ZFPM2: variants seen among roughly 807,000 people sequenced by gnomAD.
ZFPM2 encodes zinc finger protein ZFPM2.
In ZFPM2, 20 loss-of-function variants were observed where a neutral mutation model predicts 98.6. The ratio of observed to expected loss-of-function variants is 0.20; its 90% CI spans 0.14 to 0.29. ZFPM2 has a LOEUF of 0.29. Ranked by LOEUF, ZFPM2 falls within the 10% of genes least tolerant of loss-of-function variation. The pLI, the probability that ZFPM2 is intolerant of heterozygous loss-of-function variation, is 1.00. For missense variants in ZFPM2, 1,310 were observed against 1,388.6 expected, an observed-to-expected ratio of 0.94 and a Z score of 0.90; for synonymous variants, 518 against 502.7, an observed-to-expected ratio of 1.03 and a Z score of -0.41.
At chr8:105,465,931 A>C (rs1453600722) in intron 3 of ZFPM2, among the ~76,000 whole-genome samples, 1 of 152,038 alleles carries the variant, frequency 6.6e-6, no homozygotes, top group Non-Finnish European at 1.5e-5. Flanking sequence ...TTTTTGTATT[A>C]GAATGAATTT....
At chr8:105,551,167 G>A (rs1814843203) in intron 3 of ZFPM2, among the ~76,000 whole-genome samples, 1 of 152,152 alleles carries the variant, frequency 6.6e-6, no homozygotes, top group South Asian at 2.1e-4. Context: ...TAAATATATA[G>A]TATGTTTATT....
chr8:105,721,553 A>G (rs1375638145), intron 5 of ZFPM2, among the ~76,000 whole-genome samples: 6 of 151,962 alleles, frequency 3.9e-5, no homozygotes, highest in Non-Finnish European at 1.5e-5. Context: ...GAGCAATTTG[A>G]AAATAGGAAA....
Position 105,531,629 on chromosome 8 carries a change from G to T in ZFPM2, c.302-29734G>T, listed in dbSNP as rs147688683. On this transcript the variant is annotated intron_variant, in intron 3 of 7. Coordinates refer to ENST00000407775, the MANE Select transcript of ZFPM2 (RefSeq NM_012082.4). ...TAGGATTTCAACATATCTTTTGGCA[G>T]TGGTGGTACAATTCAACCTATAGTA... Among the ~76,000 whole-genome samples the T allele has an allele frequency of 4.7e-3, 718 of 152,260 alleles. 7 individuals carry two copies. The highest frequency in any genetic ancestry group is 0.034 in the Middle Eastern group (10 of 294).
chr8:105,600,834 A>T (rs1199435213), intron 4 of ZFPM2, among the ~76,000 whole-genome samples: 1 of 152,104 alleles, frequency 6.6e-6, no homozygotes, highest in Admixed American at 6.6e-5. Context: ...CTTATTAGTG[A>T]CTTGATTCTT....
chr8:105,796,521 A>AAATT (rs1381820656), intron 6 of ZFPM2, among the ~76,000 whole-genome samples: 3 of 152,212 alleles, frequency 2.0e-5, no homozygotes, highest in African/African-American at 7.2e-5. Context: ...ATTAATTTTA[A>AAATT]AATTAAATGT....
intron 4 of ZFPM2, among the ~76,000 whole-genome samples, chr8:105,566,040 G>A (rs760955988): frequency 1.3e-5 from 2 of 152,246 alleles, no homozygotes; most frequent in East Asian, 1.9e-4. Context: ...ATATTTCCTC[G>A]TCTGCAGGGA....
chr8:105,436,886 G>T (rs1023919716), intron 2 of ZFPM2, among the ~76,000 whole-genome samples: 6 of 152,160 alleles, frequency 3.9e-5, no homozygotes, highest in African/African-American at 1.4e-4. Flanking sequence ...ATTTAGTATA[G>T]AATCTGATCT....
At chr8:105,474,956 G>A (rs1235756567) in intron 3 of ZFPM2, among the ~76,000 whole-genome samples, 1 of 152,132 alleles carries the variant, frequency 6.6e-6, no homozygotes, top group Non-Finnish European at 1.5e-5. Context: ...ACCTTATTCT[G>A]TGATTCAGTA....
intron 3 of ZFPM2, among the ~76,000 whole-genome samples, chr8:105,517,939 C>T (rs1813971942): frequency 6.6e-6 from 1 of 152,062 alleles, no homozygotes; most frequent in African/African-American, 2.4e-5. Context: ...ATTCTCTTAG[C>T]AAACGACGAA....
intron 1 of ZFPM2, among the ~76,000 whole-genome samples, chr8:105,386,704 G>C (rs941762524): frequency 6.6e-6 from 1 of 152,124 alleles, no homozygotes; most frequent in African/African-American, 2.4e-5. Flanking sequence ...ACTGCTGGCT[G>C]GGGCAGCCTG....
At chr8:105,578,058 C>T (rs770033708) in intron 4 of ZFPM2, among the ~76,000 whole-genome samples, 26 of 152,026 alleles carry the variant, frequency 1.7e-4, no homozygotes, top group Non-Finnish European at 2.9e-4. Flanking sequence ...GTTATCATTA[C>T]GAAGTATTGC....
At chr8:105,329,985 A>C (rs1812181242) in intron 1 of ZFPM2, among the ~76,000 whole-genome samples, 1 of 151,748 alleles carries the variant, frequency 6.6e-6, no homozygotes, top group Non-Finnish European at 1.5e-5. Context: ...GCTATGATAG[A>C]AAAATGTTGT....
intron 4 of ZFPM2, among the ~76,000 whole-genome samples, chr8:105,615,707 G>A (rs1425556313): frequency 2.0e-5 from 3 of 152,090 alleles, no homozygotes; most frequent in African/African-American, 7.2e-5. Context: ...TGAAAACTTA[G>A]AGTCAGAAGG....
chr8:105,418,609 T>C (rs368798696), intron 1 of ZFPM2: 6 of 518,570 alleles, frequency 1.2e-5, no homozygotes, highest in Non-Finnish European at 2.3e-5. Context: ...GAGAAATATG[T>C]AATTTTTCTT....
chr8:105,606,217 T>C (rs1324181733), intron 4 of ZFPM2, among the ~76,000 whole-genome samples: 3 of 152,168 alleles, frequency 2.0e-5, no homozygotes, highest in African/African-American at 7.2e-5. Context: ...GTGTTTTCTA[T>C]GTTTGCCTCT....
intron 4 of ZFPM2, among the ~76,000 whole-genome samples, chr8:105,569,892 A>G (rs1281848389): frequency 6.6e-6 from 1 of 152,110 alleles, no homozygotes; most frequent in Non-Finnish European, 1.5e-5. Context: ...AACTTCTTGG[A>G]TAAGATCAGT....
chr8:105,710,367 G>A (rs533105824), intron 5 of ZFPM2, among the ~76,000 whole-genome samples: 1 of 151,996 alleles, frequency 6.6e-6, no homozygotes, highest in East Asian at 1.9e-4. Flanking sequence ...GGGATATATG[G>A]TAAATTGCCC....
chr8:105,593,264 G>A (rs1815889540), intron 4 of ZFPM2, among the ~76,000 whole-genome samples: 1 of 152,026 alleles, frequency 6.6e-6, no homozygotes, highest in South Asian at 2.1e-4. Context: ...TCTAGTAATG[G>A]AGAAAAGAAT....
chr8:105,478,190 C>T (rs1813049152), intron 3 of ZFPM2, among the ~76,000 whole-genome samples: 1 of 152,182 alleles, frequency 6.6e-6, no homozygotes. Flanking sequence ...GTGGCAGCAT[C>T]CAGCCCCGAT....
Sources: gnomAD v4.1 joint callset for allele counts (sites outside exome capture counted in the v4.1 genomes callset) on GRCh38, gnomAD v4.1.1 for gene constraint, MANE v1.5 for transcripts, NCBI Gene and HGNC (gene_info 2026-07-23, HGNC 2026-07-21) for gene names.